CASKIN1: variants seen among roughly 807,000 people sequenced by gnomAD.
CASKIN1 encodes the protein caskin-1.
Under a neutral mutation model 117.5 loss-of-function variants are expected in CASKIN1, and 42 were observed. The observed-to-expected ratio is 0.36, with a 90% CI of 0.28 to 0.46. CASKIN1 has a LOEUF of 0.46. Among genes scored for constraint, CASKIN1 ranks in the 20% least tolerant of loss-of-function variants. CASKIN1 has a pLI of 1.00. For synonymous variants in CASKIN1, 1,148 were observed against 961.7 expected (o/e 1.19, Z -3.59); for missense variants, 2,083 against 2,077.3 (o/e 1.00, Z -0.05).
In CASKIN1 at chr16:2,182,125, T is replaced by TCGCACACATG. The variant is rs892967057; in HGVS notation, c.1630-206_1630-197dup. On this transcript the variant is annotated intron_variant, in intron 16 of 19. Transcript: ENST00000343516. This position sits in a 1 kb window ranked among gnomAD's most constrained non-coding sequence, Gnocchi z 4.1. ...GGCACCGGACACTGCATGCCGCATA[T>TCGCACACATG]CGCACACATGCGCACACACGCACGG... Among the ~76,000 whole-genome samples the TCGCACACATG allele has an allele frequency of 2.0e-5, 3 of 152,012 alleles. No homozygotes were observed. The highest frequency in any genetic ancestry group is 1.3e-4 in the Admixed American group (2 of 15,278).
chr16:2,195,245 C>T (rs928899433), intron 1 of CASKIN1, among the ~76,000 whole-genome samples: 9 of 152,156 alleles, frequency 5.9e-5, no homozygotes, highest in African/African-American at 9.7e-5. Context: ...TGGTGAAGTA[C>T]GGGGGAGGGG....
rs370696259 is a variant in CASKIN1 at position 2,190,277 on chromosome 16, C to T, written c.146+30G>A. 6.7e-5 allele frequency: 106 copies of T among 1,578,572 alleles called. 1 individual carries two copies. Among genetic ancestry groups the T allele is most frequent in the South Asian group, 4.0e-4 (35 of 87,404 alleles). ...CCTCTCTAGGAGCCACCCTCCCTTC[C>T]AGGCAGGCACCACCCGGCTCAGAAC... On this transcript the variant is annotated intron_variant, in intron 2 of 19. Transcript: ENST00000343516.
chr16:2,185,082 ACCCTGG>A (rs1170148109), intron 12 of CASKIN1, 23 bp downstream of exon 12: 1 of 1,607,842 alleles, frequency 6.2e-7, no homozygotes, highest in Non-Finnish European at 8.5e-7. Context: ...AGCCCTGGCC[ACCCTGG>A]CCCTGGCCAC....
chr16:2,190,987 C>T lies in CASKIN1; in HGVS notation c.95-629G>A, dbSNP rs765832910. Reference sequence around the variant, plus strand: ...CCTGGCGACTCGGAGCACCTGAGGCCAGAGGGGCCCACGCCCTCCCTTCAG... The same window carrying T: ...CCTGGCGACTCGGAGCACCTGAGGCTAGAGGGGCCCACGCCCTCCCTTCAG... On this transcript the variant is annotated intron_variant, in intron 1 of 19. Transcript: ENST00000343516. 4.6e-5 allele frequency among the ~76,000 whole-genome samples: 7 copies of T among 152,170 alleles called. 1 individual carries two copies. Among genetic ancestry groups the T allele is most frequent in the South Asian group, 4.1e-4 (2 of 4,836 alleles).
intron 1 of CASKIN1, among the ~76,000 whole-genome samples, chr16:2,194,429 GA>G (rs2093209973): frequency 6.6e-6 from 1 of 152,032 alleles, no homozygotes; most frequent in Admixed American, 6.5e-5. Context: ...AGCCTGGGGT[GA>G]CTCTGGAGCA....
chr16:2,184,151 C>G (rs1001968696), intron 14 of CASKIN1, among the ~76,000 whole-genome samples: 9 of 151,430 alleles, frequency 5.9e-5, no homozygotes, highest in African/African-American at 1.7e-4. Flanking sequence ...TCCACCCTTC[C>G]GCCTTCTTCT....
At position 2,178,638 on chromosome 16, in the gene CASKIN1, G is replaced by A; in HGVS notation, c.4208C>T (p.Ala1403Val). The change falls in exon 20 of 20, where the codon GCG becomes GTG. Residue 1403 changes from alanine (A) to valine (V), a missense_variant. Around this residue, in one of 3 missense-constraint regions of CASKIN1, gnomAD observed 1,818 missense variants for 1,688.9 expected, o/e 1.08. Transcript: ENST00000343516. ...GATGCTGCCAGTGCTCTTTTCCGCC[G>A]CCGAGTCGCTGCGGGGCGCGGGGCA... ...QEDAQGPRDS[A>V]AEKSTGSILD... 2 of 1,590,348 alleles carry A rather than the reference G, an allele frequency of 1.3e-6. No homozygotes were observed. The highest frequency in any genetic ancestry group is 2.2e-5 in the South Asian group (2 of 89,566).
intron 1 of CASKIN1, among the ~76,000 whole-genome samples, chr16:2,195,379 G>A (rs2093212717): frequency 6.6e-6 from 1 of 152,182 alleles, no homozygotes; most frequent in South Asian, 2.1e-4. Context: ...GGAGGGAGGA[G>A]GGAGGACGCC....
chr16:2,181,396 T>C lies in CASKIN1; in HGVS notation c.1972A>G (p.Ser658Gly), dbSNP rs1310339844. ...GTCATGGCAGCCTGCAGCTCGTCAC[T>C]GAGCTCGCTGTCCTGGAAGGTGGTC... ...KMTTFQDSEL[S>G]DELQAAMTGP... The change falls in exon 18 of 20, where the codon AGT becomes GGT. Residue 658 changes from serine to glycine, a missense_variant. Around this residue, in one of 3 missense-constraint regions of CASKIN1, gnomAD observed 1,818 missense variants for 1,688.9 expected, o/e 1.08. Transcript: ENST00000343516. 4.3e-6 allele frequency: 7 copies of C among 1,610,912 alleles called. No homozygotes were observed. Among genetic ancestry groups the C allele is most frequent in the Non-Finnish European group, 5.9e-6 (7 of 1,179,470 alleles).
chr16:2,180,059 G>C lies in CASKIN1; in HGVS notation c.3309C>G (p.Pro1103=). The C allele has an allele frequency of 6.3e-7, 1 of 1,584,170 alleles. No individual in the cohort carries two copies. Among genetic ancestry groups the C allele is most frequent in the Non-Finnish European group, 8.6e-7 (1 of 1,165,928 alleles). The change falls in exon 18 of 20, where the codon CCC becomes CCG. Residue 1103 remains proline, a synonymous_variant. Coordinates refer to ENST00000343516, the MANE Select transcript of CASKIN1 (RefSeq NM_020764.4). ...DGTGRQRPRG[P]SKGEAGVEGP... ...CTTCGACACCCGCCTCGCCCTTGGA[G>C]GGACCCCGAGGCCGCTGCCGGCCAG...
At chr16:2,186,247 G>A (rs781309475) in intron 10 of CASKIN1, among the ~76,000 whole-genome samples, 2 of 152,202 alleles carry the variant, frequency 1.3e-5, no homozygotes, top group Admixed American at 1.3e-4. Context: ...GGGATGACAG[G>A]CATGAGCCAC....
At chr16:2,181,684 G>T in intron 17 of CASKIN1, 85 bp from the exon 18 acceptor site, 1 of 1,447,742 alleles carries the variant, frequency 6.9e-7, no homozygotes, top group Non-Finnish European at 9.3e-7. Flanking sequence ...GGCTGGGCTT[G>T]GGGCCCAGCT....
At position 2,196,570 on chromosome 16, in the gene CASKIN1, T is replaced by C; in HGVS notation, c.-138A>G. 5.7e-6 allele frequency: 1 copy of C among 174,870 alleles called. No homozygotes were observed. The highest frequency in any genetic ancestry group is 1.1e-5 in the Non-Finnish European group (1 of 92,600). 10.8% of individuals were successfully genotyped at this position (174,870 alleles called of 1,614,324 possible). On this transcript the variant is annotated 5_prime_UTR_variant, in exon 1 of 20. Transcript: ENST00000343516. The surrounding 1 kb of genome is among the most constrained non-coding windows in gnomAD (Gnocchi z 5.7). The stretch of plus-strand genomic sequence containing the variant: ...CTCGCCGCCCGCCGCCCCTTCGCCC[T>C]CCTCGGGCTCCGGCTTGGGCTCGGG...
In CASKIN1 at chr16:2,181,297, G is replaced by A. The variant is rs375593225; in HGVS notation, c.2071C>T (p.Arg691Trp). The part of the protein sequence containing the change: ...HLPPTPRATT[R>W]QDSSLGGRAR... ...CGACCACCCAGGCTGGAGTCCTGCC[G>A]CGTGGTGGCCCTCGGGGTGGGTGGC... Residue 691 changes from arginine to tryptophan, a missense_variant, in exon 18 of 20, where the codon CGG becomes TGG. Coordinates refer to ENST00000343516, the MANE Select transcript of CASKIN1 (RefSeq NM_020764.4). 4.2e-5 allele frequency: 68 copies of A among 1,603,230 alleles called. No individual in the cohort carries two copies. The highest frequency in any genetic ancestry group is 2.1e-4 in the South Asian group (19 of 90,734).
At position 2,196,390 on chromosome 16, in the gene CASKIN1, C is replaced by A; in HGVS notation, c.43G>T (p.Asp15Tyr). The A allele has an allele frequency of 7.3e-7, 1 of 1,373,068 alleles. No homozygotes were observed. The allele number at this position is 1,373,068 out of a possible 1,614,324, so 85.1% of individuals were successfully genotyped here. A position where few individuals can be genotyped will look rare whatever the true frequency, so the allele number is the denominator to read the frequency against. ...QELVQAVKAE[D>Y]VGTAQRLLQR... is the part of the protein sequence containing the mutation. ...AGCAGCCTCTGCGCGGTCCCTACGTCCTCCGCCTTCACCGCCTGCACCAGC... is the reference window on the plus strand; with the variant it reads ...AGCAGCCTCTGCGCGGTCCCTACGTACTCCGCCTTCACCGCCTGCACCAGC... The change falls in exon 1 of 20, where the codon GAC becomes TAC. Residue 15 changes from aspartate (D) to tyrosine (Y), a missense_variant. Transcript: ENST00000343516. The surrounding 1 kb of genome is among the most constrained non-coding windows in gnomAD (Gnocchi z 5.7).
chr16:2,191,181 C>G (rs2093200630), intron 1 of CASKIN1, among the ~76,000 whole-genome samples: 1 of 152,218 alleles, frequency 6.6e-6, no homozygotes, highest in South Asian at 2.1e-4. Context: ...GTCAGTCACT[C>G]TGAGAGGGGA....
Position 2,180,368 on chromosome 16 carries a change from ACTGCCGGCACTACCCGTGTCCACG to A in CASKIN1, c.2976_2999del (p.Asp994_Val1001del), listed in dbSNP as rs1285942104. On this transcript the variant is annotated inframe_deletion, in exon 18 of 20. Transcript: ENST00000343516. Reference sequence around the variant, plus strand: ...CCAGCATGGCCGCGATGCTCTTCACACTGCCGGCACTACCCGTGTCCACGCTGCCGGCCAGGTCACTGGCCCGCC... The same window carrying A: ...CCAGCATGGCCGCGATGCTCTTCACACTGCCGGCCAGGTCACTGGCCCGCC... The A allele has an allele frequency of 1.3e-6, 2 of 1,593,774 alleles. No homozygotes were observed. The highest frequency in any genetic ancestry group is 2.3e-5 in the East Asian group (1 of 44,374).
chr16:2,179,354 C>G lies in CASKIN1; in HGVS notation c.3776-29G>C. 1 of 1,322,834 alleles carries G rather than the reference C, an allele frequency of 7.6e-7. No homozygotes were observed. The highest frequency in any genetic ancestry group is 2.3e-5 in the South Asian group (1 of 43,544). The allele number at this position is 1,322,834 out of a possible 1,614,324, so 81.9% of individuals were successfully genotyped here. A position where few individuals can be genotyped will look rare whatever the true frequency, so the allele number is the denominator to read the frequency against. On this transcript the variant is annotated intron_variant, in intron 18 of 19. Transcript: ENST00000343516. This position sits in a 1 kb window ranked among gnomAD's most constrained non-coding sequence, Gnocchi z 5.8. ...CGGGGAGGACCACGCTGGCACCGAG[C>G]GGGCACGAGTTCCGCCGCCGCGCCC...
In CASKIN1 at chr16:2,184,825, G is replaced by C; in HGVS notation, c.1368C>G (p.Val456=). The C allele has an allele frequency of 6.4e-7, 1 of 1,557,410 alleles. No homozygotes were observed. The highest frequency in any genetic ancestry group is 8.7e-7 in the Non-Finnish European group (1 of 1,150,450). The change falls in exon 14 of 20, where the codon GTC becomes GTG. Residue 456 remains valine, a synonymous_variant. Transcript: ENST00000343516. The stretch of plus-strand genomic sequence containing the variant: ...GCTTCTTGGGCGGCTGCTCCCCATA[G>C]ACCTGCCCGGCGTGGGCCACTGGAG... ...SQPPVAHAGQ[V]YGEQPPKKLE... is the part of the protein sequence containing the mutation.
Sources: allele counts gnomAD v4.1 joint callset (sites outside exome capture counted in the v4.1 genomes callset), GRCh38; gene constraint gnomAD v4.1.1; regional missense constraint gnomAD v4.1.1; non-coding constraint Gnocchi (gnomAD v3.1); transcripts MANE v1.5; gene names NCBI Gene and HGNC (gene_info 2026-07-23, HGNC 2026-07-21).